Variants in KIF15 observed in about 807,000 individuals in gnomAD.
The protein encoded by KIF15 is kinesin-like protein KIF15.
A neutral mutation model predicts 190.6 loss-of-function variants in KIF15; 140 were observed. The observed-to-expected ratio is 0.73, with a 90% confidence interval of 0.64 to 0.84. KIF15 has a LOEUF of 0.84. KIF15 is among the 40% of genes least tolerant of loss of function. KIF15 has a pLI of 0.00. For synonymous variants in KIF15, 528 were observed against 551.3 expected (o/e 0.96, Z 0.59); for missense variants, 1,372 against 1,584.4 (o/e 0.87, Z 2.28).
chr3:44,823,573 C>T (rs992639334), intron 20 of KIF15, among the ~76,000 whole-genome samples: 1 of 152,226 alleles, frequency 6.6e-6, no homozygotes, highest in Non-Finnish European at 1.5e-5. Context: ...TTTAAGTCTG[C>T]AGAGGTTTCT....
chr3:44,770,807 T>C (rs756298944), intron 1 of KIF15, among the ~76,000 whole-genome samples: 2 of 152,124 alleles, frequency 1.3e-5, no homozygotes, highest in Non-Finnish European at 2.9e-5. Context: ...TTCACAGGAG[T>C]ATACCTTACT....
intron 1 of KIF15, among the ~76,000 whole-genome samples, chr3:44,767,819 C>T (rs1179444215): frequency 6.3e-5 from 9 of 142,808 alleles, no homozygotes; most frequent in East Asian, 4.3e-4. Flanking sequence ...GGCATGAGCC[C>T]GGGAGGTGGA....
At chr3:44,786,683 A>C in intron 7 of KIF15, 109 bp downstream of exon 7, 4 of 739,666 alleles carry the variant, frequency 5.4e-6, no homozygotes, top group Non-Finnish European at 8.4e-6. Context: ...TCATAAAGGC[A>C]TAATACAGAA....
rs1391770457 is a variant in KIF15, at chr3:44,797,584, C to G, written c.883C>G (p.Leu295Val). 1.2e-6 allele frequency: 2 copies of G among 1,614,048 alleles called. No individual in the cohort carries two copies. Among genetic ancestry groups the G allele is most frequent in the Non-Finnish European group, 1.7e-6 (2 of 1,180,000 alleles). The change falls in exon 9 of 35, where the codon CTG becomes GTG. Residue 295 changes from leucine to valine, a missense_variant. By Grantham distance (32) the Leu-to-Val change is conservative. Coordinates refer to ENST00000326047, the MANE Select transcript of KIF15 (RefSeq NM_020242.3). ...AGNINRSLSC[L>V]GQVITALVDV... ...TAACATAAATCGATCATTGAGCTGC[C>G]TGGGCCAAGTGATTACAGCACTTGT...
At chr3:44,857,238 A>T (rs903290373), downstream of KIF15, among the ~76,000 whole-genome samples, 9 of 152,220 alleles carry the variant, frequency 5.9e-5, no homozygotes, top group African/African-American at 2.2e-4. Flanking sequence ...ACAAAGAGTG[A>T]GGATAGCTGA....
chr3:44,852,064 T>G, intron 33 of KIF15, 112 bp downstream of exon 33: 2 of 1,439,124 alleles, frequency 1.4e-6, no homozygotes, highest in Non-Finnish European at 1.9e-6. Flanking sequence ...GTTGCTTTAT[T>G]GTATGAAGAG....
chr3:44,866,888 G>A (rs1699328158), intron 6 of KIF15, among the ~76,000 whole-genome samples: 1 of 152,174 alleles, frequency 6.6e-6, no homozygotes, highest in African/African-American at 2.4e-5. Flanking sequence ...CTGCCAACAT[G>A]TTTTGTACTT....
chr3:44,850,863 G>A (rs891258286), intron 32 of KIF15, among the ~76,000 whole-genome samples: 3 of 152,196 alleles, frequency 2.0e-5, no homozygotes, highest in Non-Finnish European at 4.4e-5. Context: ...ATTAAATTTT[G>A]TGTATTATAT....
Position 44,802,814 on chromosome 3 carries a change from A to G in KIF15, c.1510A>G (p.Ile504Val). The change falls in exon 14 of 35, where the codon ATA becomes GTA. Residue 504 changes from isoleucine to valine, a missense_variant and splice_region_variant. Coordinates refer to ENST00000326047, the MANE Select transcript of KIF15 (RefSeq NM_020242.3). Reference protein sequence around the residue: ...RNEIQTLREQIEHHPRVAKYA... With the variant: ...RNEIQTLREQVEHHPRVAKYA... ...TGCGTGTAATTCTTCTATGTCACAGATAGAGCACCACCCCAGAGTTGCAAA... is the reference window on the plus strand; with the variant it reads ...TGCGTGTAATTCTTCTATGTCACAGGTAGAGCACCACCCCAGAGTTGCAAA... 2 of 1,562,960 alleles carry G rather than the reference A, an allele frequency of 1.3e-6. No homozygotes were observed. The highest frequency in any genetic ancestry group is 1.7e-6 in the Non-Finnish European group (2 of 1,162,520).
At chr3:44,798,244 C>T (rs1378201898) in intron 10 of KIF15, among the ~76,000 whole-genome samples, 1 of 151,494 alleles carries the variant, frequency 6.6e-6, no homozygotes, top group African/African-American at 2.4e-5. Context: ...CTCACTCTAG[C>T]CTCAACTTCC....
downstream of KIF15, among the ~76,000 whole-genome samples, chr3:44,856,799 C>A (rs995304640): frequency 2.0e-5 from 3 of 152,070 alleles, no homozygotes; most frequent in Admixed American, 6.6e-5. Flanking sequence ...GATGGAGGAC[C>A]CTTGCGTAGT....
At chr3:44,819,095 T>A (rs1329991669) in intron 20 of KIF15, among the ~76,000 whole-genome samples, 1 of 152,156 alleles carries the variant, frequency 6.6e-6, no homozygotes, top group Non-Finnish European at 1.5e-5. Context: ...TGATATCCCC[T>A]TTATCATTTT....
chr3:44,861,520 A>C (rs1352982768), intron 6 of KIF15, among the ~76,000 whole-genome samples: 1 of 151,444 alleles, frequency 6.6e-6, no homozygotes, highest in Non-Finnish European at 1.5e-5. Context: ...TGGAGGGTGG[A>C]GCGGAGAAGC....
chr3:44,797,815 C>A lies in KIF15; in HGVS notation c.976-19C>A. The A allele has an allele frequency of 6.2e-7, 1 of 1,610,058 alleles. No homozygotes were observed. Among genetic ancestry groups the A allele is most frequent in the South Asian group, 1.1e-5 (1 of 90,262 alleles). On this transcript the variant is annotated intron_variant, in intron 9 of 34. Coordinates refer to ENST00000326047, the MANE Select transcript of KIF15 (RefSeq NM_020242.3). ...TGTGATTTCTCACCGAAAATATGTT[C>A]ATTCCTATCATTAAACAGGATTCCC...
intron 26 of KIF15, among the ~76,000 whole-genome samples, chr3:44,837,261 G>A (rs931739162): frequency 2.6e-5 from 4 of 152,164 alleles, no homozygotes; most frequent in East Asian, 1.9e-4. Context: ...AACTTCTGGA[G>A]GAGTTTATGT....
At chr3:44,840,263 T>C in intron 27 of KIF15, 92 bp from the exon 28 acceptor site, 2 of 690,178 alleles carry the variant, frequency 2.9e-6, no homozygotes, top group Non-Finnish European at 4.9e-6. Flanking sequence ...TGCATTTCCC[T>C]GATGATTGGT....
intron 3 of KIF15, among the ~76,000 whole-genome samples, chr3:44,777,909 G>A (rs1705972280): frequency 1.3e-5 from 2 of 152,110 alleles, no homozygotes; most frequent in Non-Finnish European, 2.9e-5. Flanking sequence ...AAGTTTAGTT[G>A]TGTGCTTTAA....
At chr3:44,781,805 G>A (rs1281479967) in intron 5 of KIF15, among the ~76,000 whole-genome samples, 1 of 151,950 alleles carries the variant, frequency 6.6e-6, no homozygotes, top group Non-Finnish European at 1.5e-5. Context: ...GGTTTAATTC[G>A]ATATATCAAT....
At chr3:44,846,251 A>G (rs1698842333) in intron 30 of KIF15, among the ~76,000 whole-genome samples, 4 of 152,244 alleles carry the variant, frequency 2.6e-5, no homozygotes, top group Admixed American at 2.6e-4. Context: ...AGCAGGGCCT[A>G]GCTGCTACAA....
Sources: gnomAD v4.1 joint callset for allele counts (sites outside exome capture counted in the v4.1 genomes callset) on GRCh38, gnomAD v4.1.1 for gene constraint, MANE v1.5 for transcripts, NCBI Gene and HGNC (gene_info 2026-07-23, HGNC 2026-07-21) for gene names.